The following CSGALNACT2 variants were observed in gnomAD, a reference collection of about 807,000 sequenced individuals.
CSGALNACT2 encodes beta 4 GalNAcT-2.
A neutral mutation model predicts 55.3 loss-of-function variants in CSGALNACT2; 35 were observed. The observed-to-expected ratio is 0.63, with a 90% CI of 0.48 to 0.84. The LOEUF is 0.84. Ranked by LOEUF, CSGALNACT2 falls within the 40% of genes least tolerant of loss-of-function variation. The probability of loss-of-function intolerance (pLI) is 0.00; values close to 1 mark genes in which losing one functional copy is unlikely to be tolerated. For missense variants in CSGALNACT2, 544 were observed against 657.5 expected (o/e 0.83, Z 1.89); for synonymous variants, 196 against 224.9 (o/e 0.87, Z 1.15).
At position 43,184,480 on chromosome 10, in the gene CSGALNACT2, A is replaced by G. The variant is rs1416123936; in HGVS notation, c.*938A>G. 6.6e-6 allele frequency: 1 copy of G among 152,174 alleles called. No homozygotes were observed. Among genetic ancestry groups the G allele is most frequent in the Non-Finnish European group, 1.5e-5 (1 of 68,018 alleles). 9.4% of individuals were successfully genotyped at this position (152,174 alleles called of 1,614,324 possible). On this transcript the variant is annotated 3_prime_UTR_variant, in exon 8 of 8. Transcript: ENST00000374466. The stretch of plus-strand genomic sequence containing the variant: ...ATATGTATTTACTATCCTTTTTCTA[A>G]TATATTAATATATGCTACATTTGTA...
chr10:43,147,213 G>A (rs1745269800), intron 1 of CSGALNACT2, among the ~76,000 whole-genome samples: 1 of 151,728 alleles, frequency 6.6e-6, no homozygotes, highest in Non-Finnish European at 1.5e-5. Context: ...CTGACCTCGT[G>A]ATCCGCCCGC....
chr10:43,143,492 A>AGT (rs1838676510), intron 1 of CSGALNACT2, among the ~76,000 whole-genome samples: 1 of 117,832 alleles, frequency 8.5e-6, no homozygotes, highest in Non-Finnish European at 1.7e-5. Context: ...GCTCTCCAAA[A>AGT]ATGTGTGTGT....
intron 1 of CSGALNACT2, among the ~76,000 whole-genome samples, chr10:43,144,489 G>T (rs914157681): frequency 6.6e-6 from 1 of 152,196 alleles, no homozygotes; most frequent in East Asian, 1.9e-4. Flanking sequence ...TTGGGGAGAT[G>T]AGGGGCTTAG....
At chr10:43,183,154 A>G (rs896896879) in intron 7 of CSGALNACT2, 96 bp from the exon 8 acceptor site, 2 of 977,940 alleles carry the variant, frequency 2.0e-6, no homozygotes, top group African/African-American at 3.2e-5. Flanking sequence ...GAACCATCCC[A>G]TCCCTTTTGA....
intron 2 of CSGALNACT2, among the ~76,000 whole-genome samples, chr10:43,157,757 G>A (rs916005771): frequency 1.8e-4 from 27 of 152,170 alleles, no homozygotes; most frequent in Admixed American, 5.9e-4. Context: ...GCCACTGGGC[G>A]CAGTGGCTCA....
At chr10:43,149,443 A>AT (rs757440985) in intron 1 of CSGALNACT2, among the ~76,000 whole-genome samples, 15 of 152,142 alleles carry the variant, frequency 9.9e-5, no homozygotes, top group Non-Finnish European at 1.9e-4. Flanking sequence ...TGCTTTTTCC[A>AT]TGTCTGTTGA....
rs201493922 is a variant in CSGALNACT2, at chr10:43,178,618, CAA to C, written c.1336+2603_1336+2604del. On this transcript the variant is annotated intron_variant, in intron 7 of 7. Coordinates refer to ENST00000374466, the MANE Select transcript of CSGALNACT2 (RefSeq NM_018590.5). ...CCTGGGCAACAGAGTGAGACTCCAT[CAA>C]AAAAAAAAAAAAAAAACCCTAATAC... 2.0e-3 allele frequency among the ~76,000 whole-genome samples: 129 copies of C among 64,684 alleles called. 1 individual carries two copies. Among genetic ancestry groups the C allele is most frequent in the Middle Eastern group, 8.8e-3 (1 of 114 alleles). 42.4% of individuals were successfully genotyped at this position (64,684 alleles called of 152,430 possible).
chr10:43,164,150 C>T, intron 5 of CSGALNACT2, 106 bp downstream of exon 5: 1 of 910,818 alleles, frequency 1.1e-6, no homozygotes, highest in Non-Finnish European at 1.6e-6. Context: ...TAGTTAAACC[C>T]CAGTATTTTT....
chr10:43,170,577 G>C (rs775768878), intron 6 of CSGALNACT2, among the ~76,000 whole-genome samples: 36 of 152,210 alleles, frequency 2.4e-4, no homozygotes, highest in Non-Finnish European at 1.0e-4. Context: ...ACAAATGAGT[G>C]AGTGAATGAG....
At chr10:43,178,326 A>G (rs1406051633) in intron 7 of CSGALNACT2, among the ~76,000 whole-genome samples, 2 of 152,220 alleles carry the variant, frequency 1.3e-5, no homozygotes, top group Admixed American at 6.5e-5. Flanking sequence ...TAGATTGCTT[A>G]TAATACCTAA....
chr10:43,158,727 C>T lies in CSGALNACT2; in HGVS notation c.674C>T (p.Thr225Ile). Reference protein sequence around the residue: ...ENDFVEGYYRTERDKGTQYEL... With the variant: ...ENDFVEGYYRIERDKGTQYEL... ...CTCTTTCCTTTAGGTTATTATCGCACTGAGAGAGATAAGGGCACACAGTAT... is the reference window on the plus strand; with the variant it reads ...CTCTTTCCTTTAGGTTATTATCGCATTGAGAGAGATAAGGGCACACAGTAT... Residue 225 changes from threonine to isoleucine, a missense_variant, in exon 3 of 8, where the codon ACT (threonine) becomes ATT (isoleucine). By Grantham distance (89) the Thr-to-Ile change is moderately conservative. This residue lies in a region of CSGALNACT2 where 374 missense variants were observed against 401.3 expected (regional missense o/e 0.93). Transcript: ENST00000374466. 1 of 1,597,444 alleles carries T rather than the reference C, an allele frequency of 6.3e-7. No homozygotes were observed.
intron 5 of CSGALNACT2, among the ~76,000 whole-genome samples, chr10:43,165,182 G>A (rs1048722126): frequency 2.6e-5 from 4 of 151,956 alleles, no homozygotes; most frequent in Admixed American, 6.5e-5. Context: ...CTGAGATTGC[G>A]CCACTGCACT....
chr10:43,156,847 G>A (rs965759952), intron 2 of CSGALNACT2, among the ~76,000 whole-genome samples: 9 of 152,246 alleles, frequency 5.9e-5, no homozygotes, highest in South Asian at 2.1e-4. Context: ...TTGCTGTGCC[G>A]CCTAGTTCCC....
chr10:43,150,223 G>T (rs1838847463), intron 1 of CSGALNACT2, among the ~76,000 whole-genome samples: 1 of 152,032 alleles, frequency 6.6e-6, no homozygotes, highest in South Asian at 2.1e-4. Context: ...TCTTAAATCA[G>T]TTTTGTTAGT....
intron 6 of CSGALNACT2, among the ~76,000 whole-genome samples, chr10:43,172,716 A>G (rs1027183958): frequency 6.6e-6 from 1 of 152,192 alleles, no homozygotes; most frequent in African/African-American, 2.4e-5. Context: ...GCTCGTGAGG[A>G]TCTTTATTTA....
intron 5 of CSGALNACT2, 64 bp downstream of exon 5, chr10:43,164,108 G>GTT (rs1465475173): frequency 7.5e-7 from 1 of 1,341,828 alleles, no homozygotes; most frequent in Non-Finnish European, 1.0e-6. Flanking sequence ...ATGTCCTATA[G>GTT]TTTGAATCAA....
chr10:43,139,689 A>G (rs1284625707), intron 1 of CSGALNACT2, among the ~76,000 whole-genome samples: 1 of 152,190 alleles, frequency 6.6e-6, no homozygotes, highest in Non-Finnish European at 1.5e-5. Flanking sequence ...TCTGTATTCT[A>G]ACTTCTCTTA....
At chr10:43,160,308 C>T (rs893999522) in intron 3 of CSGALNACT2, among the ~76,000 whole-genome samples, 186 bp from the exon 4 acceptor site, 5 of 152,206 alleles carry the variant, frequency 3.3e-5, no homozygotes, top group Non-Finnish European at 7.3e-5. Context: ...TTCCATGGCC[C>T]TCCAAGGGGT....
At chr10:43,160,363 T>C (rs1011004616) in intron 3 of CSGALNACT2, 131 bp from the exon 4 acceptor site, 2 of 596,470 alleles carry the variant, frequency 3.4e-6, no homozygotes, top group Non-Finnish European at 5.9e-6. Flanking sequence ...AATTCATCAG[T>C]ATTGCCACAT....
Sources: gnomAD v4.1 joint callset for allele counts (sites outside exome capture counted in the v4.1 genomes callset) on GRCh38, gnomAD v4.1.1 for gene constraint, gnomAD v4.1.1 regional missense constraint, MANE v1.5 for transcripts, NCBI Gene and HGNC (gene_info 2026-07-23, HGNC 2026-07-21) for gene names.